The following NCAM2 variants were observed in gnomAD, a reference collection of about 807,000 sequenced individuals.
NCAM2 encodes the protein neural cell adhesion molecule 2.
Under a neutral mutation model 98.1 loss-of-function variants are expected in NCAM2, and 30 were observed. The ratio of observed to expected loss-of-function variants is 0.31; its 90% CI spans 0.23 to 0.41. NCAM2 has a LOEUF of 0.41. Among genes scored for constraint, NCAM2 ranks in the 10% least tolerant of loss-of-function variants. The pLI, the probability that NCAM2 is intolerant of heterozygous loss-of-function variation, is 1.00. For missense variants in NCAM2, 867 were observed against 1,005.8 expected (o/e 0.86, Z 1.87); for synonymous variants, 368 against 342.4 (o/e 1.07, Z -0.83).
chr21:21,074,210 T>A (rs2065631154), intron 1 of NCAM2, among the ~76,000 whole-genome samples: 3 of 152,058 alleles, frequency 2.0e-5, no homozygotes, highest in Admixed American at 2.0e-4. Flanking sequence ...AGAATTGTAA[T>A]TTAATATCAA....
intron 4 of NCAM2, among the ~76,000 whole-genome samples, chr21:21,288,464 G>T (rs1195577455): frequency 6.6e-6 from 1 of 151,440 alleles, no homozygotes; most frequent in Non-Finnish European, 1.5e-5. Flanking sequence ...AGAAGAAATG[G>T]GTATAGTTTA....
At chr21:21,509,577 A>T (rs910635714) in intron 16 of NCAM2, among the ~76,000 whole-genome samples, 2 of 152,178 alleles carry the variant, frequency 1.3e-5, no homozygotes, top group African/African-American at 4.8e-5. Context: ...TGAATATACT[A>T]TTCTAAAATT....
At chr21:21,508,826 T>C in intron 15 of NCAM2, 25 bp from the exon 16 acceptor site, 2 of 1,038,966 alleles carry the variant, frequency 1.9e-6, no homozygotes, top group Non-Finnish European at 2.4e-6. Context: ...TTTTTTTTTT[T>C]TTTTTTTTTT....
At chr21:21,000,882 C>T (rs1301610922) in intron 1 of NCAM2, among the ~76,000 whole-genome samples, 5 of 152,066 alleles carry the variant, frequency 3.3e-5, no homozygotes, top group Admixed American at 6.6e-5. Context: ...GACACACCAC[C>T]GGGAGCTGTT....
intron 1 of NCAM2, among the ~76,000 whole-genome samples, chr21:21,034,685 A>C (rs955400414): frequency 1.4e-4 from 22 of 152,218 alleles, no homozygotes; most frequent in African/African-American, 5.3e-4. Context: ...TTAATAAAAA[A>C]CTGAAAAACA....
chr21:21,112,670 C>G (rs575754529), intron 1 of NCAM2, among the ~76,000 whole-genome samples: 17 of 152,224 alleles, frequency 1.1e-4, no homozygotes, highest in South Asian at 8.3e-4. Context: ...AAACTTTTAT[C>G]GGTCTGTCAC....
At chr21:21,068,309 T>A (rs1445040501) in intron 1 of NCAM2, among the ~76,000 whole-genome samples, 1 of 151,708 alleles carries the variant, frequency 6.6e-6, no homozygotes, top group African/African-American at 2.4e-5. Flanking sequence ...ATTTTTTGTA[T>A]TTTTAGTACA....
At chr21:21,019,826 G>T (rs1216363595) in intron 1 of NCAM2, among the ~76,000 whole-genome samples, 1 of 152,024 alleles carries the variant, frequency 6.6e-6, no homozygotes, top group Non-Finnish European at 1.5e-5. Flanking sequence ...AAGTGCCTAG[G>T]GCAGCTGATA....
In NCAM2 at chr21:21,175,532, CAAAAAAAATA is replaced by C. The variant is rs1178474094; in HGVS notation, c.56-105032_56-105023del. On this transcript the variant is annotated intron_variant, in intron 1 of 17. Transcript: ENST00000400546. ...TGGGCTACAGAGCGAGACTCCGTCT[CAAAAAAAATA>C]AAAAAAAATAAAATAATAAAACAGG... Among the ~76,000 whole-genome samples, 4 of 148,420 alleles carry C rather than the reference CAAAAAAAATA, an allele frequency of 2.7e-5. No individual in the cohort carries two copies. In the East Asian group the frequency reaches 7.9e-4, roughly 29 times the overall value.
chr21:21,263,238 G>T (rs2071991435), intron 1 of NCAM2, among the ~76,000 whole-genome samples: 1 of 151,554 alleles, frequency 6.6e-6, no homozygotes, highest in South Asian at 2.1e-4. Context: ...CAAATCAAGA[G>T]CTCCATTTTA....
chr21:21,023,777 A>G (rs2064485171), intron 1 of NCAM2, among the ~76,000 whole-genome samples: 2 of 152,146 alleles, frequency 1.3e-5, no homozygotes, highest in South Asian at 4.1e-4. Context: ...TATTTGTCAC[A>G]AAGAAAGGAG....
intron 1 of NCAM2, among the ~76,000 whole-genome samples, chr21:21,147,602 A>T (rs2067318768): frequency 6.6e-6 from 1 of 150,696 alleles, no homozygotes; most frequent in South Asian, 2.1e-4. Flanking sequence ...TACACTGTAT[A>T]TATATGTATA....
At chr21:21,298,220 T>C (rs182437790) in intron 5 of NCAM2, among the ~76,000 whole-genome samples, 3 of 151,910 alleles carry the variant, frequency 2.0e-5, no homozygotes, top group East Asian at 3.9e-4. Context: ...TGCAGTGTTT[T>C]AGAATGTAAA....
chr21:21,452,038 G>A (rs1981158604), intron 12 of NCAM2, among the ~76,000 whole-genome samples: 1 of 151,840 alleles, frequency 6.6e-6, no homozygotes, highest in African/African-American at 2.4e-5. Flanking sequence ...TTGATGCTCA[G>A]ATTCTGAATA....
intron 15 of NCAM2, among the ~76,000 whole-genome samples, chr21:21,486,551 A>C (rs926236831): frequency 6.6e-6 from 1 of 152,178 alleles, no homozygotes; most frequent in African/African-American, 2.4e-5. Context: ...AAAGATTTCT[A>C]GTAACACCTC....
intron 1 of NCAM2, among the ~76,000 whole-genome samples, chr21:21,118,974 ATATATC>A (rs1211544308): frequency 6.6e-6 from 1 of 152,156 alleles, no homozygotes; most frequent in Non-Finnish European, 1.5e-5. Flanking sequence ...ACGAATGTAA[ATATATC>A]TATAGTTATT....
intron 1 of NCAM2, among the ~76,000 whole-genome samples, chr21:21,072,592 A>G (rs2065595525): frequency 6.6e-6 from 1 of 152,132 alleles, no homozygotes; most frequent in Non-Finnish European, 1.5e-5. Context: ...GGATATTACC[A>G]TCTACAAAGG....
intron 9 of NCAM2, 130 bp downstream of exon 9, chr21:21,374,143 A>G: frequency 1.3e-6 from 1 of 777,278 alleles, no homozygotes; most frequent in Non-Finnish European, 1.9e-6. Context: ...TAGAGGAAAT[A>G]TAGGAATCAT....
At chr21:21,145,138 G>A (rs1454214692) in intron 1 of NCAM2, among the ~76,000 whole-genome samples, 1 of 151,862 alleles carries the variant, frequency 6.6e-6, no homozygotes, top group African/African-American at 2.4e-5. Flanking sequence ...ATTTTTCATG[G>A]TTTCTTACCA....
Sources: gnomAD v4.1 joint callset for allele counts (sites outside exome capture counted in the v4.1 genomes callset) on GRCh38, gnomAD v4.1.1 for gene constraint, MANE v1.5 for transcripts, NCBI Gene and HGNC (gene_info 2026-07-23, HGNC 2026-07-21) for gene names.